The following NF1 variants were observed in gnomAD, a reference collection of about 807,000 sequenced individuals.
The protein encoded by NF1 is neurofibromin 1, also known as neurofibromin.
NF1 carries 122 observed loss-of-function variants against 325.7 expected under a neutral mutation model. That is an observed-to-expected ratio of 0.37 (90% CI 0.32 to 0.44). The LOEUF (loss-of-function observed/expected upper bound fraction) is 0.44. Among genes scored for constraint, NF1 ranks in the 20% least tolerant of loss-of-function variants. NF1 has a pLI of 1.00. For synonymous variants in NF1, 1,091 were observed against 1,186.0 expected (o/e 0.92, Z 1.65); for missense variants, 2,140 against 3,415.4 (o/e 0.63, Z 9.31).
chr17:31,103,783 A>G (rs1366161828), intron 1 of NF1, among the ~76,000 whole-genome samples: 2 of 152,142 alleles, frequency 1.3e-5, no homozygotes, highest in Non-Finnish European at 2.9e-5. Flanking sequence ...CAGCCTGGGC[A>G]ACAGAGTGAG....
At chr17:31,296,158 TA>T (rs1260198519) in intron 36 of NF1, 1 of 1,612,088 alleles carries the variant, frequency 6.2e-7, no homozygotes. Flanking sequence ...GGTTTAAATG[TA>T]TAATATTCTC....
rs1567849864 is a variant in NF1 at position 31,230,358 on chromosome 17, C to T, written c.3089C>T (p.Ser1030Leu). The T allele has an allele frequency of 1.9e-6, 3 of 1,613,444 alleles. No homozygotes were observed. Among genetic ancestry groups the T allele is most frequent in the Non-Finnish European group, 2.5e-6 (3 of 1,179,576 alleles). Residue 1030 changes from serine to leucine, a missense_variant, in exon 23 of 58, where the codon TCA becomes TTA. Ser to Leu is a moderately radical substitution (Grantham distance 145). This residue lies in a region of NF1 where 380 missense variants were observed against 639.3 expected (regional missense o/e 0.59). Transcript: ENST00000358273. ...EVMMARRDDL[S>L]FCQEMKFRNK... is the part of the protein sequence containing the mutation. ...ATGATGGCAAGGAGAGATGACCTCT[C>T]ATTTTGCCAAGAGATGAAATTTAGG...
chr17:31,372,202 C>T (rs2070655487), intron 57 of NF1, among the ~76,000 whole-genome samples: 1 of 151,966 alleles, frequency 6.6e-6, no homozygotes, highest in Non-Finnish European at 1.5e-5. Flanking sequence ...TTTTTTAGTC[C>T]TTTGGCTTCT....
chr17:31,222,317 C>T (rs1213455933), intron 15 of NF1: 2 of 1,042,136 alleles, frequency 1.9e-6, no homozygotes, highest in East Asian at 1.2e-4. Flanking sequence ...CTTTCATAAA[C>T]TTTCTGTAAT....
At chr17:31,144,281 T>C (rs1916435224) in intron 1 of NF1, among the ~76,000 whole-genome samples, 1 of 152,220 alleles carries the variant, frequency 6.6e-6, no homozygotes, top group Non-Finnish European at 1.5e-5. Context: ...TAACTTAAGC[T>C]ACCATCCTCT....
chr17:31,314,250 G>A (rs2068964184), intron 36 of NF1: 3 of 351,644 alleles, frequency 8.5e-6, no homozygotes, highest in South Asian at 3.0e-4. Context: ...TTTTAATTAT[G>A]TAAATAAATA....
intron 1 of NF1, among the ~76,000 whole-genome samples, chr17:31,101,003 A>G (rs1912275499): frequency 6.6e-6 from 1 of 151,874 alleles, no homozygotes; most frequent in African/African-American, 2.4e-5. Context: ...TCAGGCTAAG[A>G]TTTCCTTTCT....
intron 1 of NF1, among the ~76,000 whole-genome samples, chr17:31,149,074 G>T (rs1409976565): frequency 6.6e-6 from 1 of 150,692 alleles, no homozygotes; most frequent in Non-Finnish European, 1.5e-5. Context: ...CTTCTTAGAT[G>T]AATGGAACAT....
chr17:31,229,608 A>G (rs774984407), intron 21 of NF1, 143 bp downstream of exon 21: 6 of 1,078,140 alleles, frequency 5.6e-6, no homozygotes, highest in Non-Finnish European at 8.3e-6. Flanking sequence ...AGTCATCTCA[A>G]TGTAGGGGTC....
At position 31,095,469 on chromosome 17, in the gene NF1, A is replaced by T. The variant is rs910626807; in HGVS notation, c.60+100A>T. On this transcript the variant is annotated intron_variant, in intron 1 of 57. Transcript: ENST00000358273. ...CGGCCGCCTCCCCCGCGGCTGCCTC[A>T]GGCTCTGGAGGAAAGGAAGGGAAGG... 7 of 1,123,894 alleles carry T rather than the reference A, an allele frequency of 6.2e-6. No homozygotes were observed. The African/African-American group carries it at 9.7e-5, about 16-fold the overall frequency. 69.6% of individuals were successfully genotyped at this position (1,123,894 alleles called of 1,614,324 possible). A position where few individuals can be genotyped will look rare whatever the true frequency, so the allele number is the denominator to read the frequency against.
At chr17:31,268,568 A>G (rs1411215232) in intron 36 of NF1, among the ~76,000 whole-genome samples, 1 of 150,470 alleles carries the variant, frequency 6.6e-6, no homozygotes, top group Non-Finnish European at 1.5e-5. Context: ...TGGAGGTTGC[A>G]GTGAACCAAG....
chr17:31,340,061 C>G (rs1293395389), intron 46 of NF1, among the ~76,000 whole-genome samples: 1 of 152,156 alleles, frequency 6.6e-6, no homozygotes, highest in African/African-American at 2.4e-5. Context: ...TTTAAGCAGA[C>G]AAGTCATACG....
chr17:31,305,178 A>G, intron 36 of NF1: 1 of 1,614,174 alleles, frequency 6.2e-7, no homozygotes. Context: ...GAGTAAAAGT[A>G]TAGACAAATG....
At chr17:31,263,690 C>A (rs1308033616) in intron 35 of NF1, among the ~76,000 whole-genome samples, 2 of 151,200 alleles carry the variant, frequency 1.3e-5, no homozygotes, top group African/African-American at 4.9e-5. Context: ...GTATCTGGTA[C>A]TTGTAAAGTA....
intron 31 of NF1, 60 bp downstream of exon 31, chr17:31,253,060 T>G (rs547910084): frequency 3.2e-5 from 45 of 1,388,170 alleles, no homozygotes; most frequent in Non-Finnish European, 4.5e-5. Flanking sequence ...AATCTTTTGC[T>G]GTTTGTTAAG....
chr17:31,309,355 A>G lies in NF1; in HGVS notation c.4836-16465A>G, dbSNP rs138555735. ...TACCAGAAAATAAGCAGAGGCAGTG[A>G]AATCTGAGTTAATAAATTCTGCTTT... On this transcript the variant is annotated intron_variant, in intron 36 of 57. Coordinates refer to ENST00000358273, the MANE Select transcript of NF1 (RefSeq NM_001042492.3). Among the ~76,000 whole-genome samples the G allele has an allele frequency of 1.1e-4, 17 of 152,310 alleles. No individual in the cohort carries two copies. In the East Asian group the frequency reaches 2.7e-3, roughly 24 times the overall value.
intron 52 of NF1, 150 bp from the exon 53 acceptor site, chr17:31,356,810 T>C (rs2070281332): frequency 7.8e-7 from 1 of 1,283,378 alleles, no homozygotes; most frequent in Non-Finnish European, 1.1e-6. Context: ...AAAACTTTTG[T>C]GTAGGCGAAT....
intron 36 of NF1, among the ~76,000 whole-genome samples, chr17:31,300,017 AATTAG>A (rs2068542684): frequency 1.3e-5 from 2 of 152,096 alleles, no homozygotes; most frequent in Admixed American, 6.6e-5. Context: ...TGATTGCTAC[AATTAG>A]ATTATAGACT....
intron 1 of NF1, among the ~76,000 whole-genome samples, chr17:31,151,068 T>C (rs1916910577): frequency 6.6e-6 from 1 of 151,792 alleles, no homozygotes; most frequent in African/African-American, 2.4e-5. Flanking sequence ...AAAAATACAG[T>C]GATGCTCCAC....
Sources: allele counts gnomAD v4.1 joint callset (sites outside exome capture counted in the v4.1 genomes callset), GRCh38; gene constraint gnomAD v4.1.1; regional missense constraint gnomAD v4.1.1; transcripts MANE v1.5; gene names NCBI Gene and HGNC (gene_info 2026-07-23, HGNC 2026-07-21).